SIMC1: variants seen among roughly 807,000 people sequenced by gnomAD.
SIMC1 encodes the protein SUMO interacting motifs containing 1.
A neutral mutation model predicts 82.3 loss-of-function variants in SIMC1; 55 were observed. The ratio of observed to expected loss-of-function variants is 0.67; its 90% CI spans 0.54 to 0.84. SIMC1 has a LOEUF of 0.84. Ranked by LOEUF, SIMC1 falls within the 40% of genes least tolerant of loss-of-function variation. The probability of loss-of-function intolerance (pLI) is 0.00; values close to 1 mark genes in which losing one functional copy is unlikely to be tolerated. For synonymous variants in SIMC1, 353 were observed against 426.3 expected, an observed-to-expected ratio of 0.83 and a Z score of 2.12; for missense variants, 915 against 1,107.2, an observed-to-expected ratio of 0.83 and a Z score of 2.46.
intron 9 of SIMC1, among the ~76,000 whole-genome samples, chr5:176,342,178 C>T (rs915627978): frequency 6.6e-6 from 1 of 152,190 alleles, no homozygotes; most frequent in Non-Finnish European, 1.5e-5. Flanking sequence ...CAGAGTGGCA[C>T]ATGCCTTAAG....
chr5:176,250,416 G>T (rs1761610001), intron 1 of SIMC1, among the ~76,000 whole-genome samples: 1 of 152,182 alleles, frequency 6.6e-6, no homozygotes, highest in Non-Finnish European at 1.5e-5. Flanking sequence ...GAGATGTGGT[G>T]CTGAGAAGAA....
chr5:176,303,024 A>C (rs565332169), intron 4 of SIMC1, among the ~76,000 whole-genome samples: 47 of 152,176 alleles, frequency 3.1e-4, no homozygotes, highest in South Asian at 2.1e-3. Flanking sequence ...TCCCAACAGC[A>C]TTTCTTTTTT....
At chr5:176,300,163 A>T (rs1010223285) in intron 4 of SIMC1, among the ~76,000 whole-genome samples, 1 of 152,250 alleles carries the variant, frequency 6.6e-6, no homozygotes, top group Non-Finnish European at 1.5e-5. Flanking sequence ...GCACTGAAAA[A>T]GAAAGATCTC....
At chr5:176,303,918 A>T (rs1224638913) in intron 4 of SIMC1, among the ~76,000 whole-genome samples, 1 of 152,250 alleles carries the variant, frequency 6.6e-6, no homozygotes, top group Non-Finnish European at 1.5e-5. Flanking sequence ...TGCATTAAAG[A>T]CCTGAATATA....
chr5:176,279,270 T>C (rs909259679), intron 1 of SIMC1, among the ~76,000 whole-genome samples: 18 of 152,218 alleles, frequency 1.2e-4, no homozygotes, highest in Non-Finnish European at 2.2e-4. Flanking sequence ...GATGGTTCTT[T>C]GTGTATTCTC....
At chr5:176,281,885 GA>G in intron 1 of SIMC1, among the ~76,000 whole-genome samples, 1 of 152,326 alleles carries the variant, frequency 6.6e-6, no homozygotes, top group East Asian at 1.9e-4. Context: ...AGGGGTCAGG[GA>G]CCAACTTGAG....
chr5:176,283,737 A>G (rs1194497786), intron 1 of SIMC1, among the ~76,000 whole-genome samples: 1 of 152,206 alleles, frequency 6.6e-6, no homozygotes, highest in African/African-American at 2.4e-5. Context: ...GGCAAATTGA[A>G]TAAAGAGTCA....
At chr5:176,316,392 C>T (rs866406100) in intron 5 of SIMC1, among the ~76,000 whole-genome samples, 4 of 149,408 alleles carry the variant, frequency 2.7e-5, no homozygotes, top group African/African-American at 7.4e-5. Context: ...TAAGGCTGGG[C>T]GTGGTGGCTC....
chr5:176,305,538 T>G (rs1581282113), intron 4 of SIMC1, among the ~76,000 whole-genome samples: 2 of 121,534 alleles, frequency 1.6e-5, no homozygotes, highest in South Asian at 2.8e-4. Flanking sequence ...GGTGGGGGGG[T>G]CAGCCCCCCG....
intron 9 of SIMC1, among the ~76,000 whole-genome samples, chr5:176,341,729 A>G (rs1371166763): frequency 6.6e-6 from 1 of 151,856 alleles, no homozygotes; most frequent in Non-Finnish European, 1.5e-5. Context: ...GGTTTGACAT[A>G]TTAGGTAGGA....
intron 7 of SIMC1, among the ~76,000 whole-genome samples, chr5:176,329,706 C>A (rs539649025): frequency 6.6e-6 from 1 of 152,018 alleles, no homozygotes; most frequent in African/African-American, 2.4e-5. Flanking sequence ...TAGTAGGTTT[C>A]TTTTTCGCAG....
chr5:176,334,577 T>TGTGCCAACAGGTTCCCTTACACAC (rs1329269828), intron 7 of SIMC1, among the ~76,000 whole-genome samples: 3 of 152,188 alleles, frequency 2.0e-5, no homozygotes, highest in Admixed American at 6.5e-5. Context: ...CCCCTACACA[T>TGTGCCAACAGGTTCCCTTACACAC]GTGCCAACAG....
At position 176,295,037 on chromosome 5, in the gene SIMC1, G is replaced by A. The variant is rs377627808; in HGVS notation, c.1439G>A (p.Gly480Asp). Residue 480 changes from glycine to aspartate, a missense_variant, in exon 3 of 10, where the codon GGT becomes GAT. Gly to Asp is a moderately conservative substitution (Grantham distance 94). Transcript: ENST00000429602. ...IPDKDTRENK[G>D]QKLEPIPHRR... The stretch of plus-strand genomic sequence containing the variant: ...TCTTTTTAATCTCTACAGAACAAGG[G>A]TCAAAAATTAGAACCCATCCCTCAT... The A allele has an allele frequency of 5.4e-4, 867 of 1,612,694 alleles. No homozygotes were observed. The highest frequency in any genetic ancestry group is 6.7e-4 in the Non-Finnish European group (788 of 1,179,500).
intron 4 of SIMC1, chr5:176,308,405 C>G: frequency 6.2e-7 from 1 of 1,606,906 alleles, no homozygotes; most frequent in Middle Eastern, 1.7e-4. Context: ...CAGGCCACCC[C>G]ATGAGAGTTG....
chr5:176,320,881 C>T (rs1279438980), intron 5 of SIMC1, among the ~76,000 whole-genome samples: 1 of 152,090 alleles, frequency 6.6e-6, no homozygotes, highest in Non-Finnish European at 1.5e-5. Context: ...GATTAAACGT[C>T]ATCTTAAAAC....
intron 1 of SIMC1, among the ~76,000 whole-genome samples, chr5:176,246,292 G>A (rs186101385): frequency 3.3e-4 from 50 of 152,188 alleles, no homozygotes; most frequent in Non-Finnish European, 4.4e-4. Context: ...TTACAGGCAT[G>A]AGCCACCACG....
chr5:176,284,238 C>T (rs1260072437), intron 1 of SIMC1, among the ~76,000 whole-genome samples: 5 of 152,232 alleles, frequency 3.3e-5, no homozygotes, highest in African/African-American at 1.2e-4. Flanking sequence ...CTCAGCACCA[C>T]ACCATACTTA....
At chr5:176,287,424 A>G (rs1433254297) in intron 1 of SIMC1, among the ~76,000 whole-genome samples, 1 of 152,220 alleles carries the variant, frequency 6.6e-6, no homozygotes, top group African/African-American at 2.4e-5. Context: ...GTGGGAATTG[A>G]ACAATGAGAA....
intron 7 of SIMC1, 63 bp downstream of exon 7, chr5:176,324,820 A>T (rs557440428): frequency 1.0e-4 from 155 of 1,481,846 alleles, no homozygotes; most frequent in Non-Finnish European, 1.3e-4. Flanking sequence ...AACTCTTGGA[A>T]ATCATTTTTA....
Sources: gnomAD v4.1 joint callset for allele counts (sites outside exome capture counted in the v4.1 genomes callset) on GRCh38, gnomAD v4.1.1 for gene constraint, MANE v1.5 for transcripts, NCBI Gene and HGNC (gene_info 2026-07-23, HGNC 2026-07-21) for gene names.